The following UTP4 variants were observed in gnomAD, a reference collection of about 807,000 sequenced individuals.
UTP4 encodes the protein U3 small nucleolar RNA-associated protein 4 homolog.
In UTP4, 45 loss-of-function variants were observed where a neutral mutation model predicts 82.4. The ratio of observed to expected loss-of-function variants is 0.55; its 90% CI spans 0.43 to 0.70. The LOEUF (loss-of-function observed/expected upper bound fraction) is 0.70. Ranked by LOEUF, UTP4 falls within the 30% of genes least tolerant of loss-of-function variation. The pLI, the probability that UTP4 is intolerant of heterozygous loss-of-function variation, is 0.00. For missense variants in UTP4, 819 were observed against 858.3 expected (o/e 0.95, Z 0.57); for synonymous variants, 348 against 300.3 (o/e 1.16, Z -1.64).
At chr16:69,132,965 ACT>A (rs1314190721) in intron 1 of UTP4, 7 of 218,468 alleles carry the variant, frequency 3.2e-5, no homozygotes, top group African/African-American at 7.2e-5. Context: ...CCTGGTCTCT[ACT>A]CTCGGCCAGT....
intron 15 of UTP4, chr16:69,166,102 T>A (rs1963696432): frequency 1.1e-5 from 2 of 176,126 alleles, no homozygotes; most frequent in Admixed American, 1.1e-4. Flanking sequence ...TTTTAGATTC[T>A]GTCCTCTTTG....
intron 14 of UTP4, among the ~76,000 whole-genome samples, chr16:69,164,858 A>C (rs2152284316): frequency 6.6e-6 from 1 of 152,170 alleles, no homozygotes; most frequent in Admixed American, 6.6e-5. Context: ...ACTGAGCAAC[A>C]AAAGCAAGAT....
chr16:69,159,527 A>G (rs1182584520), intron 12 of UTP4, among the ~76,000 whole-genome samples: 3 of 151,980 alleles, frequency 2.0e-5, no homozygotes, highest in Non-Finnish European at 4.4e-5. Context: ...ATCTCTACTA[A>G]ATATACAAAA....
At chr16:69,159,847 G>A (rs578148935) in intron 12 of UTP4, among the ~76,000 whole-genome samples, 1 of 152,178 alleles carries the variant, frequency 6.6e-6, no homozygotes, top group Non-Finnish European at 1.5e-5. Context: ...AATTAGCCAG[G>A]CATGGTGGTG....
chr16:69,158,753 C>T (rs1963488966), intron 12 of UTP4, among the ~76,000 whole-genome samples: 1 of 152,144 alleles, frequency 6.6e-6, no homozygotes, highest in Non-Finnish European at 1.5e-5. Flanking sequence ...CGTCACTTAG[C>T]TTGCACTGTT....
intron 8 of UTP4, among the ~76,000 whole-genome samples, chr16:69,151,611 TGCCCA>T (rs1156477844): frequency 6.7e-6 from 1 of 149,312 alleles, no homozygotes; most frequent in Admixed American, 6.7e-5. Flanking sequence ...TGAGCCACTG[TGCCCA>T]GCCCCTGCCT....
intron 12 of UTP4, among the ~76,000 whole-genome samples, chr16:69,159,386 A>G (rs1268980644): frequency 2.0e-5 from 3 of 152,138 alleles, no homozygotes; most frequent in South Asian, 4.1e-4. Flanking sequence ...TGGCCTGTCC[A>G]TAATTTTGGC....
chr16:69,165,644 T>C lies in UTP4; in HGVS notation c.1833+118T>C, dbSNP rs1451010512. 13 of 838,648 alleles carry C rather than the reference T, an allele frequency of 1.6e-5. No homozygotes were observed. In the Admixed American group the frequency reaches 2.6e-4, roughly 17 times the overall value. The allele number at this position is 838,648 out of a possible 1,614,324, so 52.0% of individuals were successfully genotyped here. ...AATAAAGGTAGCTAGTAAATCAGAATACAGGTAGCTAGTACATTTCTTGGA... is the reference window on the plus strand; with the variant it reads ...AATAAAGGTAGCTAGTAAATCAGAACACAGGTAGCTAGTACATTTCTTGGA... On this transcript the variant is annotated intron_variant, in intron 15 of 16. Transcript: ENST00000314423.
chr16:69,146,503 T>G (rs919996810), intron 6 of UTP4, among the ~76,000 whole-genome samples: 2 of 152,244 alleles, frequency 1.3e-5, no homozygotes, highest in African/African-American at 2.4e-5. Flanking sequence ...GTGTGTGTGT[T>G]CTGTTTATCC....
At chr16:69,148,404 T>C (rs756179776) in intron 6 of UTP4, among the ~76,000 whole-genome samples, 15 of 151,140 alleles carry the variant, frequency 9.9e-5, no homozygotes, top group African/African-American at 3.7e-4. Flanking sequence ...GCCTAATTTT[T>C]GTATTTTTAA....
chr16:69,148,552 CT>C (rs1468548654), intron 6 of UTP4, among the ~76,000 whole-genome samples: 6 of 151,970 alleles, frequency 3.9e-5, no homozygotes, highest in African/African-American at 1.4e-4. Flanking sequence ...AATCTTCAAT[CT>C]GTATTAGTAT....
chr16:69,155,866 G>A lies in UTP4; in HGVS notation c.1165-5G>A, dbSNP rs1026341651. On this transcript the variant is annotated splice_polypyrimidine_tract_variant and splice_region_variant and intron_variant, in intron 10 of 16. Transcript: ENST00000314423. ...CACATTCATCTTGATTCCTGATATT[G>A]CCAGGGTCCTGAGAACATTATCTGT... 6.2e-7 allele frequency: 1 copy of A among 1,614,106 alleles called. No homozygotes were observed. Among genetic ancestry groups the A allele is most frequent in the Non-Finnish European group, 8.5e-7 (1 of 1,180,002 alleles).
chr16:69,160,236 A>G (rs911664831), intron 12 of UTP4, 120 bp from the exon 13 acceptor site: 1 of 816,556 alleles, frequency 1.2e-6, no homozygotes, highest in Admixed American at 1.7e-5. Context: ...GTGATCAGCA[A>G]ATTATCCTGG....
At position 69,132,707 on chromosome 16, in the gene UTP4, C is replaced by A; in HGVS notation, c.-3+18C>A. The A allele has an allele frequency of 3.4e-6, 1 of 297,888 alleles. No individual in the cohort carries two copies. The highest frequency in any genetic ancestry group is 6.6e-6 in the Non-Finnish European group (1 of 151,706). The allele number at this position is 297,888 out of a possible 1,614,324, so 18.5% of individuals were successfully genotyped here. On this transcript the variant is annotated intron_variant, in intron 1 of 16. Transcript: ENST00000314423. Reference sequence around the variant, plus strand: ...GGCCGCTGGTGAGTTGGGGAAGGGGCGTGGGAAGCGGCTGCGAGAGCTGGG... The same window carrying A: ...GGCCGCTGGTGAGTTGGGGAAGGGGAGTGGGAAGCGGCTGCGAGAGCTGGG...
chr16:69,166,614 G>T, intron 15 of UTP4: 1 of 164,824 alleles, frequency 6.1e-6, no homozygotes, highest in Non-Finnish European at 1.3e-5. Flanking sequence ...GGTTTCGCCT[G>T]GGGAGAACTC....
chr16:69,145,067 G>A (rs1010989713), intron 6 of UTP4, among the ~76,000 whole-genome samples: 13 of 151,760 alleles, frequency 8.6e-5, no homozygotes, highest in African/African-American at 2.7e-4. Context: ...ACTTGAACCC[G>A]GGAGTCGGAG....
At chr16:69,134,363 T>A (rs1188092043) in intron 2 of UTP4, among the ~76,000 whole-genome samples, 1 of 152,032 alleles carries the variant, frequency 6.6e-6, no homozygotes, top group African/African-American at 2.4e-5. Flanking sequence ...TACTGGGCAC[T>A]AAGACAAATG....
At chr16:69,159,893 C>T (rs1411951039) in intron 12 of UTP4, among the ~76,000 whole-genome samples, 3 of 149,968 alleles carry the variant, frequency 2.0e-5, no homozygotes, top group Admixed American at 1.3e-4. Flanking sequence ...GAGGCTGAGG[C>T]GGGTGAATCA....
chr16:69,165,762 C>T, intron 15 of UTP4: 2 of 604,256 alleles, frequency 3.3e-6, no homozygotes, highest in Non-Finnish European at 5.9e-6. Context: ...TGTATACTGG[C>T]TTTTGCTGAT....
Sources: gnomAD v4.1 joint callset for allele counts (sites outside exome capture counted in the v4.1 genomes callset) on GRCh38, gnomAD v4.1.1 for gene constraint, MANE v1.5 for transcripts, NCBI Gene and HGNC (gene_info 2026-07-23, HGNC 2026-07-21) for gene names.